Variants in RASAL2 observed in about 807,000 individuals in gnomAD.
RASAL2 encodes ras GTPase-activating protein nGAP.
RASAL2 carries 58 observed loss-of-function variants against 128.9 expected under a neutral mutation model. The observed-to-expected ratio is 0.45, with a 90% CI of 0.36 to 0.56. The LOEUF (loss-of-function observed/expected upper bound fraction) is 0.56, where lower values mean the gene tolerates loss of function less well. Among genes scored for constraint, RASAL2 ranks in the 20% least tolerant of loss-of-function variants. RASAL2 has a pLI of 0.00. For synonymous variants in RASAL2, 561 were observed against 580.8 expected (o/e 0.97, Z 0.49); for missense variants, 1,360 against 1,601.6 (o/e 0.85, Z 2.57).
chr1:178,455,665 C>G (rs1204480310), intron 12 of RASAL2, among the ~76,000 whole-genome samples: 1 of 152,076 alleles, frequency 6.6e-6, no homozygotes, highest in Admixed American at 6.5e-5. Context: ...AAAGATAAAC[C>G]CTTTTCATGT....
intron 2 of RASAL2, among the ~76,000 whole-genome samples, chr1:178,287,585 C>G (rs1453405037): frequency 2.6e-5 from 4 of 152,100 alleles, no homozygotes; most frequent in Non-Finnish European, 5.9e-5. Context: ...AAATACGGAA[C>G]CAGCCCAAAT....
At position 178,094,382 on chromosome 1, in the gene RASAL2, C is replaced by T; in HGVS notation, c.-111C>T. The stretch of plus-strand genomic sequence containing the variant: ...TGTCCGCGCCGGCTGCCGCTCGGGT[C>T]CCTGCCCTCGCTGCGCGCTCTCCTC... On this transcript the variant is annotated 5_prime_UTR_variant, in exon 1 of 18. Transcript: ENST00000367649. 1 of 1,060,598 alleles carries T rather than the reference C, an allele frequency of 9.4e-7. No individual in the cohort carries two copies. Among genetic ancestry groups the T allele is most frequent in the Non-Finnish European group, 1.3e-6 (1 of 769,064 alleles). The allele number at this position is 1,060,598 out of a possible 1,614,324, so 65.7% of individuals were successfully genotyped here. A position where few individuals can be genotyped will look rare whatever the true frequency, so the allele number is the denominator to read the frequency against.
intron 4 of RASAL2, among the ~76,000 whole-genome samples, chr1:178,402,140 G>A (rs1673666073): frequency 6.6e-6 from 1 of 152,202 alleles, no homozygotes; most frequent in African/African-American, 2.4e-5. Context: ...TATAGGCTGG[G>A]TGTGTTGGCT....
At chr1:178,387,941 A>G (rs1334938813) in intron 3 of RASAL2, among the ~76,000 whole-genome samples, 1 of 152,240 alleles carries the variant, frequency 6.6e-6, no homozygotes. Flanking sequence ...GATGTATGGA[A>G]GAAAGTGAGG....
chr1:178,145,267 A>G (rs1660684983), intron 1 of RASAL2, among the ~76,000 whole-genome samples: 3 of 152,176 alleles, frequency 2.0e-5, no homozygotes, highest in African/African-American at 4.8e-5. Context: ...CTTCAAAAAT[A>G]TGCCAGAAAA....
intron 1 of RASAL2, among the ~76,000 whole-genome samples, chr1:178,154,142 AT>A (rs59387394): frequency 0.039 from 5,395 of 136,608 alleles, 254 homozygotes; most frequent in African/African-American, 0.12. Flanking sequence ...GGCCTGATTG[AT>A]TTTTTTTTTT....
At chr1:178,242,287 C>G (rs969367373) in intron 1 of RASAL2, among the ~76,000 whole-genome samples, 1 of 152,138 alleles carries the variant, frequency 6.6e-6, no homozygotes, top group Non-Finnish European at 1.5e-5. Flanking sequence ...AGGATACTTA[C>G]ACGTTCCCAT....
chr1:178,197,095 CTT>C (rs1662682078), intron 1 of RASAL2, among the ~76,000 whole-genome samples: 1 of 152,198 alleles, frequency 6.6e-6, no homozygotes, highest in African/African-American at 2.4e-5. Context: ...GGACAGATCA[CTT>C]GAGTTCAGGA....
chr1:178,355,573 A>G (rs1670759691), intron 3 of RASAL2, among the ~76,000 whole-genome samples: 1 of 152,254 alleles, frequency 6.6e-6, no homozygotes, highest in Non-Finnish European at 1.5e-5. Flanking sequence ...CCTGAGGATA[A>G]AGAAGTAATT....
chr1:178,336,061 CACTTA>C (rs1456680456), intron 3 of RASAL2, among the ~76,000 whole-genome samples: 1 of 152,210 alleles, frequency 6.6e-6, no homozygotes, highest in African/African-American at 2.4e-5. Context: ...GCAAGTTACT[CACTTA>C]ACTTGTGTCT....
chr1:178,283,781 G>C (rs879478185), intron 2 of RASAL2, 90 bp downstream of exon 2: 1 of 1,500,396 alleles, frequency 6.7e-7, no homozygotes, highest in Non-Finnish European at 9.2e-7. Context: ...TGAAAAGTTG[G>C]ATTATAAAAA....
At chr1:178,471,132 T>C (rs777659466) in intron 17 of RASAL2, among the ~76,000 whole-genome samples, 3 of 152,200 alleles carry the variant, frequency 2.0e-5, no homozygotes, top group Non-Finnish European at 4.4e-5. Flanking sequence ...TTATGAATTA[T>C]TTATTTTTGG....
intron 1 of RASAL2, among the ~76,000 whole-genome samples, chr1:178,107,327 G>T (rs1188584559): frequency 6.7e-6 from 1 of 149,774 alleles, no homozygotes. Flanking sequence ...GAATTTAACA[G>T]TATGTCTTAT....
chr1:178,226,728 C>T (rs1246551088), intron 1 of RASAL2, among the ~76,000 whole-genome samples: 1 of 152,188 alleles, frequency 6.6e-6, no homozygotes, highest in Non-Finnish European at 1.5e-5. Flanking sequence ...AGGCAGATCA[C>T]CTGAGGCCAG....
chr1:178,303,358 A>G (rs1667853872), intron 3 of RASAL2, among the ~76,000 whole-genome samples: 1 of 152,190 alleles, frequency 6.6e-6, no homozygotes, highest in Admixed American at 6.5e-5. Flanking sequence ...AGATTTCTTA[A>G]GTCAGGAGTG....
intron 1 of RASAL2, among the ~76,000 whole-genome samples, chr1:178,225,669 C>A (rs1424959097): frequency 6.6e-6 from 1 of 151,362 alleles, no homozygotes; most frequent in African/African-American, 2.4e-5. Flanking sequence ...ATGTGTGTTT[C>A]TTTTTGTATG....
chr1:178,377,877 C>T (rs1024313162), intron 3 of RASAL2, among the ~76,000 whole-genome samples: 6 of 151,800 alleles, frequency 4.0e-5, no homozygotes, highest in Admixed American at 6.6e-5. Flanking sequence ...TTTAAGTATA[C>T]GTGTTAAAAT....
intron 1 of RASAL2, among the ~76,000 whole-genome samples, chr1:178,127,603 A>G (rs1659948347): frequency 1.3e-5 from 2 of 152,252 alleles, no homozygotes; most frequent in South Asian, 2.1e-4. Flanking sequence ...AACAAAACTC[A>G]AGGCTTACAG....
intron 3 of RASAL2, among the ~76,000 whole-genome samples, chr1:178,334,465 A>C (rs1157460819): frequency 6.6e-6 from 1 of 151,488 alleles, no homozygotes; most frequent in African/African-American, 2.4e-5. Context: ...CAGCCTCCCA[A>C]GTAGCTGGGA....
Sources: gnomAD v4.1 joint callset for allele counts (sites outside exome capture counted in the v4.1 genomes callset) on GRCh38, gnomAD v4.1.1 for gene constraint, MANE v1.5 for transcripts, NCBI Gene and HGNC (gene_info 2026-07-23, HGNC 2026-07-21) for gene names.